CYRIB: variants seen among roughly 807,000 people sequenced by gnomAD.
CYRIB encodes the protein CYFIP related Rac1 interactor B, also known as CYFIP-related Rac1 interactor B.
Under a neutral mutation model 44.2 loss-of-function variants are expected in CYRIB, and 8 were observed. The ratio of observed to expected loss-of-function variants is 0.18; its 90% CI spans 0.11 to 0.33. CYRIB has a LOEUF of 0.33. Ranked by LOEUF, CYRIB falls within the 10% of genes least tolerant of loss-of-function variation. The pLI, the probability that CYRIB is intolerant of heterozygous loss-of-function variation, is 1.00. For synonymous variants in CYRIB, 131 were observed against 127.2 expected (o/e 1.03, Z -0.20); for missense variants, 185 against 382.8 (o/e 0.48, Z 4.31).
At chr8:129,985,864 G>C (rs1375276810) in intron 1 of CYRIB, among the ~76,000 whole-genome samples, 1 of 152,160 alleles carries the variant, frequency 6.6e-6, no homozygotes, top group Non-Finnish European at 1.5e-5. Context: ...GGAAGGGATG[G>C]AAATGAGGAA....
At chr8:129,850,142 C>T (rs1413690685) in intron 9 of CYRIB, 2 of 152,174 alleles carry the variant, frequency 1.3e-5, no homozygotes, top group Non-Finnish European at 2.9e-5. Context: ...CCTCCTATTT[C>T]ATAAGGTTTT....
At chr8:129,846,908 C>A in intron 10 of CYRIB, 34 bp from the exon 13 acceptor site, 1 of 1,341,338 alleles carries the variant, frequency 7.5e-7, no homozygotes, top group South Asian at 1.3e-5. Context: ...GGTAAAACAG[C>A]CATTTTTTTC....
intron 2 of CYRIB, among the ~76,000 whole-genome samples, chr8:129,899,100 A>G (rs1402560731): frequency 6.6e-6 from 1 of 152,192 alleles, no homozygotes; most frequent in Admixed American, 6.5e-5. Context: ...CTGACACCTC[A>G]GGTGATCTAC....
At chr8:129,929,672 T>A (rs1403393155) in intron 1 of CYRIB, among the ~76,000 whole-genome samples, 1 of 152,178 alleles carries the variant, frequency 6.6e-6, no homozygotes, top group Non-Finnish European at 1.5e-5. Flanking sequence ...TAAAATAGCA[T>A]ACCAAAATGG....
chr8:129,893,117 T>C (rs2066206814), intron 2 of CYRIB, among the ~76,000 whole-genome samples: 2 of 152,224 alleles, frequency 1.3e-5, no homozygotes, highest in African/African-American at 4.8e-5. Flanking sequence ...CAAAAAAGCT[T>C]AGAATGGAAT....
At chr8:129,904,643 T>A (rs1176613887) in intron 1 of CYRIB, 58 bp from the exon 3 acceptor site, 1 of 152,244 alleles carries the variant, frequency 6.6e-6, no homozygotes, top group Non-Finnish European at 1.5e-5. Flanking sequence ...GTCAAGACAC[T>A]TGATTTCCAC....
At chr8:129,889,361 C>T (rs542489464) in intron 2 of CYRIB, among the ~76,000 whole-genome samples, 1 of 152,330 alleles carries the variant, frequency 6.6e-6, no homozygotes, top group East Asian at 1.9e-4. Context: ...GCTGCTAACA[C>T]AATATCCACT....
At chr8:129,991,943 CAAAAAAAAAAAAAAAA>C (rs35897320) in intron 1 of CYRIB, among the ~76,000 whole-genome samples, 3 of 19,198 alleles carry the variant, frequency 1.6e-4, no homozygotes, top group Non-Finnish European at 2.0e-4. Context: ...AGCAGAGTCG[CAAAAAAAAAAAAAAAA>C]AAAAAAAAAA....
At chr8:129,872,222 T>C (rs1389030683) in intron 3 of CYRIB, among the ~76,000 whole-genome samples, 1 of 152,156 alleles carries the variant, frequency 6.6e-6, no homozygotes, top group Non-Finnish European at 1.5e-5. Context: ...GAAAACTAGA[T>C]ACTTTAAGCT....
chr8:129,924,046 G>A (rs868113523), intron 1 of CYRIB, among the ~76,000 whole-genome samples: 18 of 144,886 alleles, frequency 1.2e-4, no homozygotes, highest in African/African-American at 4.7e-4. Flanking sequence ...TGAGGCAGGA[G>A]AACTGCCTGA....
chr8:129,992,277 G>C (rs2133397699), intron 1 of CYRIB, among the ~76,000 whole-genome samples: 1 of 152,216 alleles, frequency 6.6e-6, no homozygotes, highest in South Asian at 2.1e-4. Context: ...CTGGGCAACA[G>C]AGTAAGACCC....
intron 1 of CYRIB, among the ~76,000 whole-genome samples, chr8:129,913,119 C>T (rs556360454): frequency 9.2e-5 from 14 of 151,824 alleles, no homozygotes. Context: ...CTACAGGCGC[C>T]GGCCACCACG....
At chr8:129,950,665 G>C (rs1010368521) in intron 2 of CYRIB, among the ~76,000 whole-genome samples, 1 of 151,952 alleles carries the variant, frequency 6.6e-6, no homozygotes, top group African/African-American at 2.4e-5. Flanking sequence ...AAATTTAAGA[G>C]CTCAGTAAAT....
intron 11 of CYRIB, among the ~76,000 whole-genome samples, chr8:129,845,345 G>C (rs1194179431): frequency 6.6e-6 from 1 of 152,164 alleles, no homozygotes; most frequent in East Asian, 1.9e-4. Context: ...AGAAAAATCA[G>C]GTTGACTGAG....
intron 2 of CYRIB, among the ~76,000 whole-genome samples, chr8:129,896,289 A>G (rs936582001): frequency 6.6e-6 from 1 of 152,266 alleles, no homozygotes; most frequent in East Asian, 1.9e-4. Flanking sequence ...AATTAAACAA[A>G]GTGCAACTTA....
chr8:129,845,336 G>C (rs10101179), intron 11 of CYRIB, among the ~76,000 whole-genome samples: 8 of 152,254 alleles, frequency 5.3e-5, no homozygotes, highest in African/African-American at 1.9e-4. Context: ...AGTCTTGGGA[G>C]AAAAATCAGG....
chr8:129,843,613 G>T (rs771395254), intron 11 of CYRIB, among the ~76,000 whole-genome samples: 6 of 152,182 alleles, frequency 3.9e-5, no homozygotes, highest in African/African-American at 1.2e-4. Flanking sequence ...TATTACCCCG[G>T]TTGGCCTTCA....
At chr8:129,908,340 T>A (rs2076459499) in intron 1 of CYRIB, among the ~76,000 whole-genome samples, 1 of 151,964 alleles carries the variant, frequency 6.6e-6, no homozygotes, top group Non-Finnish European at 1.5e-5. Flanking sequence ...AACAATAAAT[T>A]ATGAAAAAAA....
chr8:129,911,522 C>T (rs2077996615), intron 1 of CYRIB, among the ~76,000 whole-genome samples: 1 of 152,002 alleles, frequency 6.6e-6, no homozygotes, highest in African/African-American at 2.4e-5. Flanking sequence ...TAACCCACGG[C>T]CGGACGCGGT....
Sources: gnomAD v4.1 joint callset for allele counts (sites outside exome capture counted in the v4.1 genomes callset) on GRCh38, gnomAD v4.1.1 for gene constraint, MANE v1.5 for transcripts, NCBI Gene and HGNC (gene_info 2026-07-23, HGNC 2026-07-21) for gene names.